GOLGA4: variants seen among roughly 807,000 people sequenced by gnomAD.
The protein encoded by GOLGA4 is golgin subfamily A member 4.
In GOLGA4, 169 loss-of-function variants were observed where a neutral mutation model predicts 265.9. That is an observed-to-expected ratio of 0.64 (90% CI 0.56 to 0.72). GOLGA4 has a LOEUF of 0.72. Among genes scored for constraint, GOLGA4 ranks in the 30% least tolerant of loss-of-function variants. GOLGA4 has a pLI of 0.00. For synonymous variants in GOLGA4, 923 were observed against 855.8 expected (o/e 1.08, Z -1.37); for missense variants, 2,482 against 2,483.4 (o/e 1.00, Z 0.01).
chr3:37,325,998 GTC>G lies in GOLGA4; in HGVS notation c.4114_4115del (p.Leu1372Ter). ...AAAGAAAAAAAAGTTGAGATTAGCA[GTC>G]TTAGTAAACAACTAACTGATTTGAA... On this transcript the variant is annotated frameshift_variant, in exon 14 of 24. Coordinates refer to ENST00000361924, the MANE Select transcript of GOLGA4 (RefSeq NM_002078.5). LOFTEE classifies it high-confidence loss of function. 2 of 1,613,064 alleles carry G rather than the reference GTC, an allele frequency of 1.2e-6. No homozygotes were observed. The highest frequency in any genetic ancestry group is 2.7e-5 in the African/African-American group (2 of 74,868).
chr3:37,245,386 CAGA>C (rs1440431189), intron 1 of GOLGA4: 1 of 152,298 alleles, frequency 6.6e-6, no homozygotes, highest in Non-Finnish European at 1.5e-5. Flanking sequence ...AGTATTAACA[CAGA>C]AGGATATTTG....
At chr3:37,359,561 T>C (rs959030693) in intron 22 of GOLGA4, among the ~76,000 whole-genome samples, 1 of 152,152 alleles carries the variant, frequency 6.6e-6, no homozygotes, top group African/African-American at 2.4e-5. Flanking sequence ...GTTTGTGTTC[T>C]CTGTCCATTC....
At chr3:37,283,051 A>C (rs1375106525) in intron 3 of GOLGA4, among the ~76,000 whole-genome samples, 1 of 152,136 alleles carries the variant, frequency 6.6e-6, no homozygotes, top group African/African-American at 2.4e-5. Flanking sequence ...GCAAATCACC[A>C]TTGTAGTTAA....
At position 37,366,211 on chromosome 3, in the gene GOLGA4, A is replaced by G. The variant is rs972207874; in HGVS notation, c.*165A>G. 2 of 792,920 alleles carry G rather than the reference A, an allele frequency of 2.5e-6. No individual in the cohort carries two copies. The allele number at this position is 792,920 out of a possible 1,614,324, so 49.1% of individuals were successfully genotyped here. ...CCTCATGTAGCCAAAAGACCAAGAA[A>G]AATCTGGCCCACAGATAAGTTGCAG... is the stretch of plus-strand genomic sequence containing the variant. On this transcript the variant is annotated 3_prime_UTR_variant, in exon 24 of 24. Transcript: ENST00000361924.
chr3:37,319,323 G>T lies in GOLGA4; in HGVS notation c.1545+129G>T, dbSNP rs568762438. 6.2e-6 allele frequency: 4 copies of T among 646,450 alleles called. No individual in the cohort carries two copies. The African/African-American group carries it at 7.4e-5, about 12-fold the overall frequency. The allele number at this position is 646,450 out of a possible 1,614,324, so 40.0% of individuals were successfully genotyped here. On this transcript the variant is annotated intron_variant, in intron 12 of 23. Transcript: ENST00000361924. ...GTCTTGACGTTTGGGTATAAAGAGA[G>T]GATAGAGAGTAGGCAAGCTGTCAGA...
chr3:37,244,089 A>G (rs2096711469), intron 1 of GOLGA4: 1 of 155,482 alleles, frequency 6.4e-6, no homozygotes, highest in Non-Finnish European at 1.4e-5. Flanking sequence ...GATCCCGCAC[A>G]ATTGACCCTC....
chr3:37,327,402 A>G lies in GOLGA4; in HGVS notation c.5516A>G (p.Gln1839Arg), dbSNP rs1448996407. ...QNLENVFDDV[Q>R]KTLQEKELTC... ...TTGGAAAATGTGTTTGACGACGTCC[A>G]GAAAACCCTCCAGGAGAAGGAACTA... Residue 1839 changes from glutamine (Q) to arginine (R), a missense_variant, in exon 14 of 24, where the codon CAG becomes CGG. Gln to Arg is a conservative substitution (Grantham distance 43). Around this residue, in one of 3 missense-constraint regions of GOLGA4, gnomAD observed 942 missense variants for 983.1 expected, o/e 0.96. Coordinates refer to ENST00000361924, the MANE Select transcript of GOLGA4 (RefSeq NM_002078.5). 7 of 1,613,894 alleles carry G rather than the reference A, an allele frequency of 4.3e-6. No individual in the cohort carries two copies. The highest frequency in any genetic ancestry group is 1.3e-5 in the African/African-American group (1 of 74,934).
At chr3:37,259,862 T>C (rs2096764518) in intron 2 of GOLGA4, among the ~76,000 whole-genome samples, 1 of 152,234 alleles carries the variant, frequency 6.6e-6, no homozygotes, top group African/African-American at 2.4e-5. Flanking sequence ...TGTCCTTTTA[T>C]GCTGTCATTT....
chr3:37,245,535 AGT>A (rs1311725774), intron 1 of GOLGA4: 2 of 152,202 alleles, frequency 1.3e-5, no homozygotes, highest in Admixed American at 1.3e-4. Context: ...TGAATTATTG[AGT>A]GTGCTTTTTC....
At chr3:37,343,105 G>C (rs1361466686) in intron 20 of GOLGA4, among the ~76,000 whole-genome samples, 1 of 152,002 alleles carries the variant, frequency 6.6e-6, no homozygotes, top group Non-Finnish European at 1.5e-5. Context: ...TGTTGGCCAG[G>C]CTGGGTTTTT....
intron 20 of GOLGA4, among the ~76,000 whole-genome samples, chr3:37,343,209 C>T (rs1014064197): frequency 2.0e-5 from 3 of 152,242 alleles, no homozygotes; most frequent in Non-Finnish European, 2.9e-5. Flanking sequence ...GCAACCTCCA[C>T]CTCCCGGGTT....
At chr3:37,348,075 A>G (rs1162691179) in intron 21 of GOLGA4, among the ~76,000 whole-genome samples, 2 of 152,286 alleles carry the variant, frequency 1.3e-5, no homozygotes, top group African/African-American at 4.8e-5. Context: ...TGAATTTTCT[A>G]TGCTCGAAAG....
In GOLGA4 at chr3:37,360,944, G is replaced by A. The variant is rs1047529921; in HGVS notation, c.6664-299G>A. On this transcript the variant is annotated intron_variant, in intron 22 of 23. Coordinates refer to ENST00000361924, the MANE Select transcript of GOLGA4 (RefSeq NM_002078.5). ...CTTTTGTAAAGCAAATAATTGCCCC[G>A]TAATTCAGCTGGTAAATATGTACTT... Among the ~76,000 whole-genome samples, 43 of 152,070 alleles carry A rather than the reference G, an allele frequency of 2.8e-4. 1 individual carries two copies. The highest frequency in any genetic ancestry group is 2.3e-3 in the Admixed American group (35 of 15,272).
Position 37,366,659 on chromosome 3 carries a change from A to G in GOLGA4, c.*613A>G, listed in dbSNP as rs1159036682. 1 of 152,702 alleles carries G rather than the reference A, an allele frequency of 6.5e-6. No homozygotes were observed. The highest frequency in any genetic ancestry group is 1.5e-5 in the Non-Finnish European group (1 of 68,058). The allele number at this position is 152,702 out of a possible 1,614,324, so 9.5% of individuals were successfully genotyped here. A position where few individuals can be genotyped will look rare whatever the true frequency, so the allele number is the denominator to read the frequency against. The stretch of plus-strand genomic sequence containing the variant: ...AAAAACACTACTGTAAATTGTGAAT[A>G]GCCAATACATAACTGTATTGTATGC... On this transcript the variant is annotated 3_prime_UTR_variant, in exon 24 of 24. Transcript: ENST00000361924.
chr3:37,329,948 T>G (rs538519327), intron 16 of GOLGA4, among the ~76,000 whole-genome samples: 1 of 151,152 alleles, frequency 6.6e-6, no homozygotes, highest in Non-Finnish European at 1.5e-5. Flanking sequence ...GAAGTCTGAG[T>G]CGGGAACAGA....
chr3:37,331,030 C>CA (rs1205353359), intron 16 of GOLGA4, among the ~76,000 whole-genome samples: 9,400 of 62,488 alleles, frequency 0.15, 566 homozygotes, highest in Non-Finnish European at 0.18. Flanking sequence ...GACTCCGTCT[C>CA]AAAAAAAAAA....
chr3:37,325,733 G>A lies in GOLGA4; in HGVS notation c.3847G>A (p.Glu1283Lys), dbSNP rs775656786. The change falls in exon 14 of 24, where the codon GAG becomes AAG. Residue 1283 changes from glutamate (E) to lysine (K), a missense_variant. By Grantham distance (56) the Glu-to-Lys change is moderately conservative (BLOSUM62 1). Transcript: ENST00000361924. ...ELEAQLRQLT[E>K]EQNTLNISFQ... Reference sequence around the variant, plus strand: ...AGAAGCACAACTTAGACAGTTGACAGAGGAGCAAAATACACTAAATATTTC... The same window carrying A: ...AGAAGCACAACTTAGACAGTTGACAAAGGAGCAAAATACACTAAATATTTC... 40 of 1,613,732 alleles carry A rather than the reference G, an allele frequency of 2.5e-5. No individual in the cohort carries two copies. Among genetic ancestry groups the A allele is most frequent in the Non-Finnish European group, 3.2e-5 (38 of 1,179,692 alleles).
chr3:37,305,552 T>C (rs926700108), intron 10 of GOLGA4, among the ~76,000 whole-genome samples: 1 of 152,208 alleles, frequency 6.6e-6, no homozygotes, highest in African/African-American at 2.4e-5. Context: ...AAAAGGTCAA[T>C]GTAAAGGAAG....
intron 16 of GOLGA4, among the ~76,000 whole-genome samples, chr3:37,329,734 A>G (rs1391539210): frequency 6.6e-6 from 1 of 152,242 alleles, no homozygotes. Context: ...ATGAAGATAC[A>G]CCATGAAGAT....
Sources: gnomAD v4.1 joint callset for allele counts (sites outside exome capture counted in the v4.1 genomes callset) on GRCh38, gnomAD v4.1.1 for gene constraint, gnomAD v4.1.1 regional missense constraint, MANE v1.5 for transcripts, NCBI Gene and HGNC (gene_info 2026-07-23, HGNC 2026-07-21) for gene names.